DYTN: variants seen among roughly 807,000 people sequenced by gnomAD.
DYTN encodes dystrotelin.
In DYTN, 75 loss-of-function variants were observed where a neutral mutation model predicts 69.6. That is an observed-to-expected ratio of 1.08 (90% confidence interval 0.89 to 1.31). DYTN has a LOEUF of 1.31. Ranked by LOEUF, DYTN falls within the 50% of genes most tolerant of loss-of-function variation. The probability of loss-of-function intolerance (pLI) is 0.00; values close to 1 mark genes in which losing one functional copy is unlikely to be tolerated. For synonymous variants in DYTN, 252 were observed against 249.1 expected (o/e 1.01, Z -0.11); for missense variants, 726 against 688.4 (o/e 1.05, Z -0.61).
intron 7 of DYTN, among the ~76,000 whole-genome samples, chr2:206,696,227 G>A (rs780803214): frequency 1.3e-5 from 2 of 152,126 alleles, no homozygotes; most frequent in Admixed American, 6.6e-5. Flanking sequence ...ATAAGGTAAC[G>A]AAGATTGGGA....
At chr2:206,660,666 C>T (rs1357553004) in intron 11 of DYTN, among the ~76,000 whole-genome samples, 4 of 152,152 alleles carry the variant, frequency 2.6e-5, no homozygotes, top group Non-Finnish European at 5.9e-5. Flanking sequence ...TGGAATTTTG[C>T]GTCAGCTTAA....
chr2:206,688,563 AT>A (rs1170594179), intron 9 of DYTN, among the ~76,000 whole-genome samples: 1 of 152,082 alleles, frequency 6.6e-6, no homozygotes, highest in Non-Finnish European at 1.5e-5. Flanking sequence ...GCAACTCAAA[AT>A]TTTTTTGCCA....
chr2:206,694,914 G>T, intron 7 of DYTN, 37 bp from the exon 8 acceptor site: 260 of 909,804 alleles, frequency 2.9e-4, no homozygotes, highest in Non-Finnish European at 3.6e-4. Flanking sequence ...TACGTCACTA[G>T]TAGATGAGAA....
chr2:206,709,677 G>A (rs1244986745), intron 2 of DYTN, among the ~76,000 whole-genome samples: 1 of 152,002 alleles, frequency 6.6e-6, no homozygotes, highest in Non-Finnish European at 1.5e-5. Context: ...TAGGCAGGAG[G>A]AAAAATATTT....
chr2:206,700,147 C>T lies in DYTN; in HGVS notation c.553G>A (p.Gly185Arg), dbSNP rs747303153. The T allele has an allele frequency of 2.5e-6, 4 of 1,613,968 alleles. No individual in the cohort carries two copies. The highest frequency in any genetic ancestry group is 2.2e-5 in the South Asian group (2 of 91,086). The change falls in exon 6 of 12, where the codon GGG becomes AGG. Residue 185 changes from glycine (G) to arginine (R), a missense_variant and splice_region_variant. Coordinates refer to ENST00000452335, the MANE Select transcript of DYTN (RefSeq NM_001093730.1). ...VESATRSCFQ[G>R]VLSPAIKEEK... ...AGGGACATTTGCAAGGCACTCACCC[C>T]TTGGAAACAGCTGCGGGTGGCACTT...
chr2:206,694,773 C>T lies in DYTN; in HGVS notation c.824G>A (p.Cys275Tyr), dbSNP rs1051826675. Reference sequence around the variant, plus strand: ...TGTGACATTAAATGTTACCTGAATGCAGTGCTCAATGACAGGATGAGACTT... The same window carrying T: ...TGTGACATTAAATGTTACCTGAATGTAGTGCTCAATGACAGGATGAGACTT... ...HQKSHPVIEH[C>Y]IQMSAMQNTK... Residue 275 changes from cysteine to tyrosine, a missense_variant, in exon 8 of 12, where the codon TGC becomes TAC. By Grantham distance (194) the Cys-to-Tyr change is radical. Coordinates refer to ENST00000452335, the MANE Select transcript of DYTN (RefSeq NM_001093730.1). The T allele has an allele frequency of 2.5e-6, 4 of 1,604,086 alleles. No individual in the cohort carries two copies. The highest frequency in any genetic ancestry group is 2.7e-5 in the African/African-American group (2 of 74,252).
chr2:206,661,560 C>A (rs1052063606), intron 11 of DYTN, among the ~76,000 whole-genome samples: 2 of 152,174 alleles, frequency 1.3e-5, no homozygotes, highest in African/African-American at 4.8e-5. Context: ...TTCTTCTCCT[C>A]AGCCTACTCA....
At chr2:206,706,033 C>G (rs1700022014) in intron 3 of DYTN, among the ~76,000 whole-genome samples, 160 bp from the exon 4 acceptor site, 1 of 152,180 alleles carries the variant, frequency 6.6e-6, no homozygotes, top group Non-Finnish European at 1.5e-5. Flanking sequence ...TTTAGCAGAA[C>G]AGAGCATTGA....
chr2:206,652,057 G>A lies in DYTN; in HGVS notation c.1634-136C>T, dbSNP rs530339289. On this transcript the variant is annotated intron_variant, in intron 11 of 11. Coordinates refer to ENST00000452335, the MANE Select transcript of DYTN (RefSeq NM_001093730.1). The stretch of plus-strand genomic sequence containing the variant: ...TCTCAAGGACAATGTCCTTAAGTTA[G>A]CCAGCAAATAAGATGGCTATTATTT... The A allele has an allele frequency of 2.5e-4, 179 of 713,236 alleles. 2 individuals carry two copies. The South Asian group carries it at 3.5e-3, about 14-fold the overall frequency. 44.2% of individuals were successfully genotyped at this position (713,236 alleles called of 1,614,324 possible). A position where few individuals can be genotyped will look rare whatever the true frequency, so the allele number is the denominator to read the frequency against.
intron 9 of DYTN, among the ~76,000 whole-genome samples, chr2:206,674,418 A>G (rs1699660994): frequency 6.6e-6 from 1 of 152,200 alleles, no homozygotes; most frequent in African/African-American, 2.4e-5. Context: ...TGAAGAGACT[A>G]TTAAGTTTGA....
chr2:206,686,158 T>C (rs901184389), intron 9 of DYTN, among the ~76,000 whole-genome samples: 7 of 152,158 alleles, frequency 4.6e-5, no homozygotes, highest in African/African-American at 1.7e-4. Context: ...TTTGCCCCCA[T>C]GATCTTACTT....
chr2:206,687,246 T>C (rs1314535412), intron 9 of DYTN: 3 of 156,384 alleles, frequency 1.9e-5, no homozygotes, highest in Non-Finnish European at 4.4e-5. Context: ...CCTTCCATTG[T>C]CAAAGACACT....
chr2:206,716,655 GA>G (rs111877197), intron 1 of DYTN, among the ~76,000 whole-genome samples: 6,891 of 149,442 alleles, frequency 0.046, 518 homozygotes, highest in African/African-American at 0.16. Context: ...TATGTTTGGA[GA>G]AAAAAAAAAT....
Position 206,651,710 on chromosome 2 carries a change from G to A in DYTN, c.*108C>T, listed in dbSNP as rs1174459666. 3.9e-6 allele frequency: 4 copies of A among 1,022,164 alleles called. No homozygotes were observed. The allele number at this position is 1,022,164 out of a possible 1,614,324, so 63.3% of individuals were successfully genotyped here. Reference sequence around the variant, plus strand: ...AAAAACAAAACCTGTTTTCTTCATAGTTCACACTAAACTATTAAAAGAAAG... The same window carrying A: ...AAAAACAAAACCTGTTTTCTTCATAATTCACACTAAACTATTAAAAGAAAG... On this transcript the variant is annotated 3_prime_UTR_variant, in exon 12 of 12. Transcript: ENST00000452335.
At chr2:206,677,922 G>A (rs778868276) in intron 9 of DYTN, among the ~76,000 whole-genome samples, 6 of 152,020 alleles carry the variant, frequency 3.9e-5, no homozygotes, top group South Asian at 2.1e-4. Flanking sequence ...CCCGGGAAGC[G>A]GAGGTTGCAG....
At chr2:206,660,413 A>G (rs547652566) in intron 11 of DYTN, among the ~76,000 whole-genome samples, 2 of 152,224 alleles carry the variant, frequency 1.3e-5, no homozygotes, top group South Asian at 4.1e-4. Context: ...AAAATGTGCA[A>G]TAAAGCTACT....
Position 206,651,897 on chromosome 2 carries a change from T to A in DYTN, c.1658A>T (p.Asp553Val). 2 of 1,613,242 alleles carry A rather than the reference T, an allele frequency of 1.2e-6. No homozygotes were observed. The highest frequency in any genetic ancestry group is 1.7e-6 in the Non-Finnish European group (2 of 1,179,464). The part of the protein sequence containing the change: ...PSGPESSVNM[D>V]LYSGAQRVCR... ...CACTCGCTGAGCTCCACTGTACAGG[T>A]CCATGTTTACTGAAGACTCCGGGCC... The change falls in exon 12 of 12, where the codon GAC becomes GTC. Residue 553 changes from aspartate to valine, a missense_variant. Physicochemically the swap from Asp to Val is radical, Grantham distance 152. Coordinates refer to ENST00000452335, the MANE Select transcript of DYTN (RefSeq NM_001093730.1).
At chr2:206,672,711 A>T (rs1480108040) in intron 9 of DYTN, among the ~76,000 whole-genome samples, 1 of 152,246 alleles carries the variant, frequency 6.6e-6, no homozygotes, top group Admixed American at 6.5e-5. Context: ...ATATTCTGAA[A>T]ACCTTTCTTA....
At chr2:206,694,372 A>G (rs1699897183) in intron 8 of DYTN, among the ~76,000 whole-genome samples, 1 of 152,232 alleles carries the variant, frequency 6.6e-6, no homozygotes, top group Non-Finnish European at 1.5e-5. Context: ...GTTAAAAAAG[A>G]AAAATTCTCC....
Sources: allele counts gnomAD v4.1 joint callset (sites outside exome capture counted in the v4.1 genomes callset), GRCh38; gene constraint gnomAD v4.1.1; transcripts MANE v1.5; gene names NCBI Gene and HGNC (gene_info 2026-07-23, HGNC 2026-07-21).